Variants in PEMT observed in about 807,000 individuals in gnomAD.
The protein encoded by PEMT is phosphatidylethanolamine N-methyltransferase, also known as phospholipid methyltransferase.
In PEMT, 23 loss-of-function variants were observed where a neutral mutation model predicts 27.4. That is an observed-to-expected ratio of 0.84 (90% CI 0.60 to 1.19). The LOEUF (loss-of-function observed/expected upper bound fraction) is 1.19, where lower values mean the gene tolerates loss of function less well. Among genes scored for constraint, PEMT ranks in the 50% most tolerant of loss-of-function variants. The probability of loss-of-function intolerance (pLI) is 0.00; values close to 1 mark genes in which losing one functional copy is unlikely to be tolerated. For missense variants in PEMT, 307 were observed against 310.1 expected, an observed-to-expected ratio of 0.99 and a Z score of 0.07; for synonymous variants, 137 against 139.1, an observed-to-expected ratio of 0.98 and a Z score of 0.11.
At chr17:17,510,989 C>T (rs1250359464) in intron 4 of PEMT, among the ~76,000 whole-genome samples, 1 of 152,154 alleles carries the variant, frequency 6.6e-6, no homozygotes, top group Non-Finnish European at 1.5e-5. Context: ...CTCCTGAGCC[C>T]CACCTCTGAT....
chr17:17,527,130 C>T (rs558335532), intron 2 of PEMT, among the ~76,000 whole-genome samples: 10 of 152,342 alleles, frequency 6.6e-5, no homozygotes, highest in African/African-American at 1.7e-4. Flanking sequence ...CTCCGCCTCC[C>T]GGGTTCAGGT....
chr17:17,558,706 G>C (rs1353288902), intron 2 of PEMT, among the ~76,000 whole-genome samples: 1 of 141,746 alleles, frequency 7.1e-6, no homozygotes, highest in South Asian at 2.2e-4. Context: ...AAAACAAAAA[G>C]AAAGGGCAGC....
chr17:17,535,616 A>G (rs1490410754), intron 2 of PEMT, among the ~76,000 whole-genome samples: 8 of 152,224 alleles, frequency 5.3e-5, no homozygotes, highest in African/African-American at 1.9e-4. Context: ...TCTGCATTTC[A>G]TATGCATGTG....
At chr17:17,550,393 G>A (rs951552139) in intron 2 of PEMT, among the ~76,000 whole-genome samples, 1 of 152,192 alleles carries the variant, frequency 6.6e-6, no homozygotes, top group Non-Finnish European at 1.5e-5. Context: ...CAGCTGGGAC[G>A]GAATTTGGGG....
chr17:17,530,781 G>A (rs1034666607), intron 2 of PEMT, among the ~76,000 whole-genome samples: 1 of 152,076 alleles, frequency 6.6e-6, no homozygotes, highest in Non-Finnish European at 1.5e-5. Flanking sequence ...TCCTATAAAA[G>A]TGGTACAAAA....
chr17:17,570,672 G>A, intron 2 of PEMT: 1 of 985,394 alleles, frequency 1.0e-6, no homozygotes, highest in Non-Finnish European at 1.2e-6. Flanking sequence ...CAGGTGGGAG[G>A]ACGCCTGCCA....
At chr17:17,511,980 AG>A in intron 4 of PEMT, among the ~76,000 whole-genome samples, 1 of 152,278 alleles carries the variant, frequency 6.6e-6, no homozygotes, top group East Asian at 1.9e-4. Flanking sequence ...GAAATGGAGA[AG>A]GGATAAGGTG....
At position 17,505,663 on chromosome 17, in the gene PEMT, G is replaced by A; in HGVS notation, c.*128C>T. 1 of 1,093,614 alleles carries A rather than the reference G, an allele frequency of 9.1e-7. No individual in the cohort carries two copies. The highest frequency in any genetic ancestry group is 2.2e-5 in the South Asian group (1 of 46,052). The allele number at this position is 1,093,614 out of a possible 1,614,324, so 67.7% of individuals were successfully genotyped here. A position where few individuals can be genotyped will look rare whatever the true frequency, so the allele number is the denominator to read the frequency against. ...GGGTCCCCAAGGCAGCAGGTTCCAA[G>A]GCACTGGGGCAGCCCACGCCGGGGG... On this transcript the variant is annotated 3_prime_UTR_variant, in exon 7 of 7. Coordinates refer to ENST00000255389, the MANE Select transcript of PEMT (RefSeq NM_148172.3).
At chr17:17,557,825 G>C (rs1567722363) in intron 2 of PEMT, among the ~76,000 whole-genome samples, 1 of 152,208 alleles carries the variant, frequency 6.6e-6, no homozygotes, top group Non-Finnish European at 1.5e-5. Context: ...GGCTCCTGGA[G>C]CCCATGGCTG....
In PEMT at chr17:17,507,132, G is replaced by A. The variant is rs552794670; in HGVS notation, c.579-831C>T. 36 of 1,551,108 alleles carry A rather than the reference G, an allele frequency of 2.3e-5. No individual in the cohort carries two copies. The East Asian group carries it at 8.3e-4, about 36-fold the overall frequency. On this transcript the variant is annotated intron_variant, in intron 5 of 6. Coordinates refer to ENST00000255389, the MANE Select transcript of PEMT (RefSeq NM_148172.3). ...CTGCTTTGGGTTTCCAGAAATAGCT[G>A]CCGTCAAGCTGTCCCCCAATCTATT...
intron 2 of PEMT, among the ~76,000 whole-genome samples, chr17:17,535,908 C>A (rs1908430041): frequency 1.3e-5 from 2 of 152,238 alleles, no homozygotes; most frequent in Non-Finnish European, 2.9e-5. Flanking sequence ...AGGCAGGTCC[C>A]CAACTTCCCT....
At chr17:17,564,358 T>G (rs1366107142) in intron 2 of PEMT, among the ~76,000 whole-genome samples, 1 of 131,034 alleles carries the variant, frequency 7.6e-6, no homozygotes, top group Non-Finnish European at 1.8e-5. Flanking sequence ...CATCCCCAAA[T>G]CCAGCTGTTT....
intron 1 of PEMT, chr17:17,577,341 TG>T (rs1308422814): frequency 3.2e-5 from 17 of 530,362 alleles, no homozygotes; most frequent in African/African-American, 2.9e-4. Flanking sequence ...GAGACCCTCC[TG>T]GATGAGGGTT....
intron 2 of PEMT, among the ~76,000 whole-genome samples, chr17:17,550,572 C>T (rs935134595): frequency 6.6e-6 from 1 of 152,236 alleles, no homozygotes; most frequent in South Asian, 2.1e-4. Context: ...CGGGCTCAGG[C>T]TGCATTCGGA....
chr17:17,555,823 T>G (rs377498304), intron 2 of PEMT, among the ~76,000 whole-genome samples: 12 of 152,296 alleles, frequency 7.9e-5, no homozygotes, highest in Middle Eastern at 3.4e-3. Context: ...TCCCATCCTC[T>G]GAATATGGCA....
chr17:17,543,125 T>G (rs945351691), intron 2 of PEMT, among the ~76,000 whole-genome samples: 4 of 152,226 alleles, frequency 2.6e-5, no homozygotes, highest in African/African-American at 9.6e-5. Context: ...CTCGGCCACA[T>G]TCTGCATCTG....
At chr17:17,509,915 C>T (rs1373453033) in intron 4 of PEMT, among the ~76,000 whole-genome samples, 1 of 152,148 alleles carries the variant, frequency 6.6e-6, no homozygotes. Context: ...TCAGGCCCTT[C>T]GCCCTCTGCT....
Position 17,509,502 on chromosome 17 carries a change from G to T in PEMT, c.510C>A (p.Phe170Leu), listed in dbSNP as rs1451451882. 2 of 1,614,014 alleles carry T rather than the reference G, an allele frequency of 1.2e-6. No homozygotes were observed. Among genetic ancestry groups the T allele is most frequent in the Non-Finnish European group, 1.7e-6 (2 of 1,179,890 alleles). ...TGGGGTTGTCCAGGATGTTGAAGGG[G>T]AACACGGTCACTCTCGCCTCCTTGA... is the stretch of plus-strand genomic sequence containing the variant. ...GILKEARVTV[F>L]PFNILDNPMY... Residue 170 changes from phenylalanine to leucine, a missense_variant, in exon 5 of 7, where the codon TTC becomes TTA. Coordinates refer to ENST00000255389, the MANE Select transcript of PEMT (RefSeq NM_148172.3).
chr17:17,586,294 A>AGAAAG (rs1567759769), intron 1 of PEMT, among the ~76,000 whole-genome samples: 9 of 139,422 alleles, frequency 6.5e-5, no homozygotes, highest in African/African-American at 2.3e-4. Context: ...GAAAGAAAAA[A>AGAAAG]AAAAACGCAG....
Sources: gnomAD v4.1 joint callset for allele counts (sites outside exome capture counted in the v4.1 genomes callset) on GRCh38, gnomAD v4.1.1 for gene constraint, MANE v1.5 for transcripts, NCBI Gene and HGNC (gene_info 2026-07-23, HGNC 2026-07-21) for gene names.